The following MAF variants were observed in gnomAD, a reference collection of about 807,000 sequenced individuals.
MAF encodes transcription factor Maf.
A neutral mutation model predicts 22.0 loss-of-function variants in MAF; 10 were observed. The observed-to-expected ratio is 0.45, with a 90% CI of 0.28 to 0.77. The LOEUF (loss-of-function observed/expected upper bound fraction) is 0.77. MAF is among the 30% of genes least tolerant of loss of function. MAF has a pLI of 0.12. For synonymous variants in MAF, 337 were observed against 255.8 expected (o/e 1.32, Z -3.03); for missense variants, 544 against 548.4 (o/e 0.99, Z 0.08).
At chr16:79,215,476 G>T in the MAF span, among the ~76,000 whole-genome samples, 6 of 152,144 alleles carry the variant, frequency 3.9e-5, no homozygotes, top group African/African-American at 1.4e-4. Flanking sequence ...AGAAGATATT[G>T]GCGTATCATC....
the MAF span, among the ~76,000 whole-genome samples, chr16:79,235,404 A>G: frequency 6.6e-6 from 1 of 151,916 alleles, no homozygotes; most frequent in South Asian, 2.1e-4. Flanking sequence ...AATAAAAAAT[A>G]AAAAAATATT....
chr16:79,262,376 A>C, the MAF span, among the ~76,000 whole-genome samples: 9 of 152,206 alleles, frequency 5.9e-5, no homozygotes, highest in Non-Finnish European at 1.0e-4. Context: ...AAAGCAATAG[A>C]AAATGTAGAC....
the MAF span, among the ~76,000 whole-genome samples, chr16:79,546,470 G>T: frequency 6.6e-6 from 1 of 152,036 alleles, no homozygotes; most frequent in Non-Finnish European, 1.5e-5. Context: ...GTGATAAGAT[G>T]GTTTTCAACG....
At chr16:79,276,661 C>A in the MAF span, among the ~76,000 whole-genome samples, 3 of 152,116 alleles carry the variant, frequency 2.0e-5, no homozygotes, top group Non-Finnish European at 4.4e-5. Flanking sequence ...GTGCAGGAGC[C>A]ACATCTTGTG....
chr16:79,563,909 A>T, the MAF span, among the ~76,000 whole-genome samples: 3 of 152,360 alleles, frequency 2.0e-5, no homozygotes, highest in African/African-American at 7.2e-5. Flanking sequence ...CAAACTCCTC[A>T]GGACAGGATC....
chr16:79,356,440 C>T, the MAF span, among the ~76,000 whole-genome samples: 1 of 152,144 alleles, frequency 6.6e-6, no homozygotes, highest in Non-Finnish European at 1.5e-5. Flanking sequence ...GCTATAGAAC[C>T]TTCCCAGCCT....
At chr16:79,453,381 A>G in the MAF span, among the ~76,000 whole-genome samples, 1 of 152,224 alleles carries the variant, frequency 6.6e-6, no homozygotes. Context: ...AAATTTATCA[A>G]CCAGGATACT....
the MAF span, among the ~76,000 whole-genome samples, chr16:79,547,920 T>TAG: frequency 0.11 from 12,738 of 120,856 alleles, 592 homozygotes; most frequent in South Asian, 0.19. Context: ...GAGAGAGAGA[T>TAG]AGAGAGAGAG....
the MAF span, among the ~76,000 whole-genome samples, chr16:79,266,735 G>A: frequency 6.6e-6 from 1 of 152,186 alleles, no homozygotes; most frequent in Admixed American, 6.5e-5. Context: ...ATTTGGTCAT[G>A]TAATAAACAT....
At chr16:79,420,178 A>G in the MAF span, among the ~76,000 whole-genome samples, 1 of 152,164 alleles carries the variant, frequency 6.6e-6, no homozygotes, top group Non-Finnish European at 1.5e-5. Flanking sequence ...AGGCACTTGG[A>G]AAAAAGAAAA....
the MAF span, among the ~76,000 whole-genome samples, chr16:79,288,061 T>C: frequency 6.6e-6 from 1 of 152,182 alleles, no homozygotes; most frequent in South Asian, 2.1e-4. Context: ...ATTACTCTGT[T>C]TTTATCAGAA....
the MAF span, among the ~76,000 whole-genome samples, chr16:79,365,866 T>A: frequency 6.6e-6 from 1 of 152,358 alleles, no homozygotes; most frequent in East Asian, 1.9e-4. Context: ...AGACAATGTG[T>A]TTCCGGAAAA....
chr16:79,552,412 T>C, the MAF span, among the ~76,000 whole-genome samples: 2 of 152,148 alleles, frequency 1.3e-5, no homozygotes, highest in African/African-American at 2.4e-5. Flanking sequence ...TCTTGCTATA[T>C]TGCCCCAGCT....
At chr16:79,538,037 G>C in the MAF span, among the ~76,000 whole-genome samples, 1 of 152,180 alleles carries the variant, frequency 6.6e-6, no homozygotes, top group East Asian at 1.9e-4. Flanking sequence ...TGGCTGCAGA[G>C]TGCAGAGTGT....
the MAF span, among the ~76,000 whole-genome samples, chr16:79,506,295 C>T: frequency 6.6e-6 from 1 of 152,150 alleles, no homozygotes; most frequent in East Asian, 1.9e-4. Flanking sequence ...GCTAAGGAAG[C>T]TGAGGCTCGG....
chr16:79,437,337 A>G, the MAF span, among the ~76,000 whole-genome samples: 1 of 152,180 alleles, frequency 6.6e-6, no homozygotes, highest in Non-Finnish European at 1.5e-5. Flanking sequence ...TAAAACGGGA[A>G]CATGAAGACG....
At chr16:79,559,165 C>T in the MAF span, among the ~76,000 whole-genome samples, 2 of 152,118 alleles carry the variant, frequency 1.3e-5, no homozygotes, top group East Asian at 1.9e-4. Context: ...AGCTAGTAAC[C>T]GGCTTGCACC....
chr16:79,309,128 CA>C, the MAF span, among the ~76,000 whole-genome samples: 1 of 152,072 alleles, frequency 6.6e-6, no homozygotes, highest in Non-Finnish European at 1.5e-5. Context: ...GTCAGTGTTC[CA>C]TCTAAGCCTT....
the MAF span, among the ~76,000 whole-genome samples, chr16:79,252,359 A>G: frequency 6.6e-6 from 1 of 151,234 alleles, no homozygotes. Flanking sequence ...TGTGTGTCAC[A>G]AAATATTCTC....
Sources: gnomAD v4.1 joint callset for allele counts (sites outside exome capture counted in the v4.1 genomes callset) on GRCh38, gnomAD v4.1.1 for gene constraint, MANE v1.5 for transcripts, NCBI Gene and HGNC (gene_info 2026-07-23, HGNC 2026-07-21) for gene names.